PTPRN2: variants seen among roughly 807,000 people sequenced by gnomAD.
PTPRN2 encodes receptor-type tyrosine-protein phosphatase N2.
Under a neutral mutation model 118.8 loss-of-function variants are expected in PTPRN2, and 74 were observed. The observed-to-expected ratio is 0.62, with a 90% confidence interval of 0.52 to 0.76. The LOEUF (loss-of-function observed/expected upper bound fraction) is 0.76, where lower values mean the gene tolerates loss of function less well. Ranked by LOEUF, PTPRN2 falls within the 30% of genes least tolerant of loss-of-function variation. The pLI is 0.00. For synonymous variants in PTPRN2, 641 were observed against 608.0 expected (o/e 1.05, Z -0.80); for missense variants, 1,481 against 1,394.4 (o/e 1.06, Z -0.99).
chr7:158,570,951 G>A lies in PTPRN2; in HGVS notation c.112+16607C>T, dbSNP rs1302108079. On this transcript the variant is annotated intron_variant, in intron 1 of 22. Transcript: ENST00000389418. The surrounding 1 kb of genome is among the most constrained non-coding windows in gnomAD (Gnocchi z 4.5). ...CCCTGCAGAGCAAAGCCCGGGTCCC[G>A]GATGGCAAAGCCATACGCAGGAGCC... is the stretch of plus-strand genomic sequence containing the variant. 6.6e-6 allele frequency among the ~76,000 whole-genome samples: 1 copy of A among 152,214 alleles called. No individual in the cohort carries two copies. The highest frequency in any genetic ancestry group is 2.4e-5 in the African/African-American group (1 of 41,456).
intron 6 of PTPRN2, among the ~76,000 whole-genome samples, chr7:158,149,427 CT>C (rs1208115649): frequency 1.3e-5 from 2 of 148,276 alleles, no homozygotes; most frequent in Non-Finnish European, 3.0e-5. Flanking sequence ...AAGATGTTAC[CT>C]TTTCTCAAGA....
intron 1 of PTPRN2, among the ~76,000 whole-genome samples, chr7:158,564,339 T>C (rs1315546310): frequency 6.6e-6 from 1 of 152,260 alleles, no homozygotes; most frequent in Non-Finnish European, 1.5e-5. Context: ...GGAAAATTCC[T>C]AGAAGTGGGA....
chr7:157,804,791 T>A (rs1351454293), intron 12 of PTPRN2, among the ~76,000 whole-genome samples: 1 of 152,196 alleles, frequency 6.6e-6, no homozygotes, highest in Non-Finnish European at 1.5e-5. Flanking sequence ...TGCAGACAGA[T>A]CCGATGTCAT....
intron 11 of PTPRN2, among the ~76,000 whole-genome samples, chr7:157,927,754 C>T (rs1799111304): frequency 6.6e-6 from 1 of 151,954 alleles, no homozygotes; most frequent in Non-Finnish European, 1.5e-5. Context: ...AGGTGCTTTA[C>T]CTCCAAGCAG....
intron 6 of PTPRN2, among the ~76,000 whole-genome samples, chr7:158,159,774 C>T (rs1822194154): frequency 6.6e-6 from 1 of 152,088 alleles, no homozygotes; most frequent in African/African-American, 2.4e-5. Flanking sequence ...TACACAAGTA[C>T]CGTATCTATA....
At chr7:158,500,077 A>G (rs1242471941) in intron 1 of PTPRN2, among the ~76,000 whole-genome samples, 1 of 151,040 alleles carries the variant, frequency 6.6e-6, no homozygotes, top group African/African-American at 2.4e-5. Flanking sequence ...CTTTATTTTT[A>G]AGTGATGAGA....
intron 20 of PTPRN2, among the ~76,000 whole-genome samples, chr7:157,571,001 T>C (rs1040693107): frequency 4.6e-5 from 7 of 152,102 alleles, no homozygotes; most frequent in African/African-American, 1.7e-4. Flanking sequence ...TCCCAGCACG[T>C]TGGGAGGCCG....
chr7:158,134,145 C>A, intron 8 of PTPRN2, 86 bp from the exon 9 acceptor site: 1 of 1,460,050 alleles, frequency 6.8e-7, no homozygotes, highest in South Asian at 1.3e-5. Context: ...GGGACAGAGT[C>A]ACTGTGGGGA....
chr7:157,769,452 T>TA (rs1802672497), intron 12 of PTPRN2, among the ~76,000 whole-genome samples: 1 of 152,114 alleles, frequency 6.6e-6, no homozygotes, highest in African/African-American at 2.4e-5. Flanking sequence ...ACAGGTTGAC[T>TA]AAGCACCTAT....
At chr7:158,223,392 C>T (rs1297577640) in intron 3 of PTPRN2, among the ~76,000 whole-genome samples, 1 of 151,966 alleles carries the variant, frequency 6.6e-6, no homozygotes, top group African/African-American at 2.4e-5. Flanking sequence ...GACCAAAATC[C>T]CTCACAAATG....
At chr7:158,513,113 G>A (rs954794754) in intron 1 of PTPRN2, among the ~76,000 whole-genome samples, 8 of 152,224 alleles carry the variant, frequency 5.3e-5, no homozygotes, top group Admixed American at 2.6e-4. Flanking sequence ...GGGAGAAGCC[G>A]CAACCCTCCC....
intron 6 of PTPRN2, among the ~76,000 whole-genome samples, chr7:158,154,175 T>C (rs1821479170): frequency 6.6e-6 from 1 of 152,184 alleles, no homozygotes; most frequent in African/African-American, 2.4e-5. Context: ...ATTCACTGCC[T>C]TCCAGAAAAG....
chr7:157,613,388 C>G (rs1219850091), intron 15 of PTPRN2, among the ~76,000 whole-genome samples: 1 of 152,222 alleles, frequency 6.6e-6, no homozygotes, highest in African/African-American at 2.4e-5. Flanking sequence ...GAGACACGGG[C>G]GGAGGCGGGT....
chr7:157,575,185 G>A (rs1330260420), intron 19 of PTPRN2, among the ~76,000 whole-genome samples: 3 of 152,222 alleles, frequency 2.0e-5, no homozygotes, highest in African/African-American at 7.2e-5. Context: ...AAGACGGGGT[G>A]TTAAGATGAA....
intron 2 of PTPRN2, among the ~76,000 whole-genome samples, chr7:158,331,539 C>T (rs1218075689): frequency 7.5e-5 from 11 of 146,012 alleles, no homozygotes; most frequent in African/African-American, 2.6e-4. Context: ...ACACTGTCAC[C>T]ATAAGAGCTG....
chr7:157,850,734 G>C (rs964696451), intron 12 of PTPRN2, among the ~76,000 whole-genome samples: 8 of 152,220 alleles, frequency 5.3e-5, no homozygotes, highest in African/African-American at 1.9e-4. Flanking sequence ...CTGCAGGGCA[G>C]GTGCAGGCTG....
intron 6 of PTPRN2, among the ~76,000 whole-genome samples, chr7:158,141,766 C>T (rs1819408273): frequency 6.6e-6 from 1 of 152,184 alleles, no homozygotes; most frequent in Non-Finnish European, 1.5e-5. Context: ...CCACTCCAGA[C>T]TTGCTGTTGA....
At chr7:157,900,747 C>G (rs1797392456) in intron 11 of PTPRN2, among the ~76,000 whole-genome samples, 1 of 152,222 alleles carries the variant, frequency 6.6e-6, no homozygotes, top group African/African-American at 2.4e-5. Context: ...GCACGGCCCT[C>G]TGTGTCTCAC....
chr7:157,738,424 T>C (rs989288719), intron 12 of PTPRN2, among the ~76,000 whole-genome samples: 4 of 152,106 alleles, frequency 2.6e-5, no homozygotes, highest in Admixed American at 2.0e-4. Flanking sequence ...ATGGAAGCAT[T>C]TGGCATCCTG....
Sources: allele counts gnomAD v4.1 joint callset (sites outside exome capture counted in the v4.1 genomes callset), GRCh38; gene constraint gnomAD v4.1.1; non-coding constraint Gnocchi (gnomAD v3.1); transcripts MANE v1.5; gene names NCBI Gene and HGNC (gene_info 2026-07-23, HGNC 2026-07-21).